The following DTNB variants were observed in gnomAD, a reference collection of about 807,000 sequenced individuals.
The protein encoded by DTNB is DTN-B.
In DTNB, 63 loss-of-function variants were observed where a neutral mutation model predicts 90.7. The ratio of observed to expected loss-of-function variants is 0.69; its 90% CI spans 0.57 to 0.86. The LOEUF (loss-of-function observed/expected upper bound fraction) is 0.86. DTNB is among the 40% of genes least tolerant of loss of function. DTNB has a pLI of 0.00. For missense variants in DTNB, 744 were observed against 807.1 expected (o/e 0.92, Z 0.95); for synonymous variants, 277 against 286.7 (o/e 0.97, Z 0.34).
chr2:25,431,845 A>C (rs1348729221), intron 14 of DTNB, among the ~76,000 whole-genome samples: 2 of 152,210 alleles, frequency 1.3e-5, no homozygotes, highest in East Asian at 3.9e-4. Context: ...ACAGACTTGC[A>C]GCAGTAAACC....
intron 2 of DTNB, among the ~76,000 whole-genome samples, chr2:25,642,650 G>A (rs1219314349): frequency 6.6e-6 from 1 of 151,938 alleles, no homozygotes; most frequent in Non-Finnish European, 1.5e-5. Flanking sequence ...GAGCTCAATG[G>A]ATTTGCCTCC....
chr2:25,526,395 A>ATATATTTTTTTTTT, intron 9 of DTNB, among the ~76,000 whole-genome samples: 1 of 49,828 alleles, frequency 2.0e-5, no homozygotes, highest in African/African-American at 9.8e-5. Flanking sequence ...ATATATATAT[A>ATATATTTTTTTTTT]TTTTTTTTTT....
chr2:25,427,853 A>T, intron 14 of DTNB: 2 of 409,710 alleles, frequency 4.9e-6, no homozygotes, highest in Non-Finnish European at 8.7e-6. Flanking sequence ...AGTTTAGATG[A>T]CTATATAAAG....
In DTNB at chr2:25,628,167, T is replaced by C. The variant is rs776008709; in HGVS notation, c.362+4A>G. The C allele has an allele frequency of 3.7e-6, 6 of 1,613,170 alleles. No individual in the cohort carries two copies. Among genetic ancestry groups the C allele is most frequent in the Non-Finnish European group, 5.1e-6 (6 of 1,179,276 alleles). On this transcript the variant is annotated splice_donor_region_variant and intron_variant, in intron 4 of 20. Coordinates refer to ENST00000406818, the MANE Select transcript of DTNB (RefSeq NM_021907.5). ...GTAAGCGTGTAAGGTAAGGTACTACTAGCCTGTCATATGCAGCAATCATAA... is the reference window on the plus strand; with the variant it reads ...GTAAGCGTGTAAGGTAAGGTACTACCAGCCTGTCATATGCAGCAATCATAA...
chr2:25,546,423 C>A (rs1346857085), intron 8 of DTNB, among the ~76,000 whole-genome samples: 2 of 152,210 alleles, frequency 1.3e-5, no homozygotes, highest in Non-Finnish European at 2.9e-5. Flanking sequence ...AGCCTGGCTG[C>A]TGGATATTTT....
At chr2:25,470,585 C>G (rs2062608652) in intron 10 of DTNB, among the ~76,000 whole-genome samples, 3 of 152,028 alleles carry the variant, frequency 2.0e-5, no homozygotes. Flanking sequence ...CCATTTTGGA[C>G]AGGCCAGTCT....
At chr2:25,625,268 G>A (rs900278722) in intron 4 of DTNB, among the ~76,000 whole-genome samples, 4 of 152,106 alleles carry the variant, frequency 2.6e-5, no homozygotes, top group South Asian at 2.1e-4. Flanking sequence ...GTAATAAAGC[G>A]GCCAATCAAT....
intron 2 of DTNB, among the ~76,000 whole-genome samples, chr2:25,641,761 A>C (rs998744022): frequency 7.2e-5 from 11 of 152,220 alleles, no homozygotes; most frequent in Non-Finnish European, 1.2e-4. Flanking sequence ...AACACCTTTG[A>C]TTTCCAGACA....
intron 10 of DTNB, among the ~76,000 whole-genome samples, chr2:25,474,531 T>G (rs1473212274): frequency 6.6e-6 from 1 of 152,200 alleles, no homozygotes; most frequent in Non-Finnish European, 1.5e-5. Context: ...CCCCAACATC[T>G]CTATTGTCCT....
intron 3 of DTNB, among the ~76,000 whole-genome samples, chr2:25,636,461 G>C (rs1054239839): frequency 2.0e-5 from 3 of 152,076 alleles, no homozygotes; most frequent in Non-Finnish European, 4.4e-5. Context: ...CACTCCACAC[G>C]TAGACTACTG....
intron 9 of DTNB, among the ~76,000 whole-genome samples, chr2:25,520,581 C>T (rs2075972203): frequency 6.6e-6 from 1 of 152,086 alleles, no homozygotes; most frequent in South Asian, 2.1e-4. Flanking sequence ...TATATTATTC[C>T]TGGTCTGGTG....
intron 4 of DTNB, among the ~76,000 whole-genome samples, chr2:25,616,281 T>C (rs982670119): frequency 2.0e-5 from 3 of 152,132 alleles, no homozygotes; most frequent in Admixed American, 6.5e-5. Context: ...CATTACACAA[T>C]GGATCTTCAT....
At chr2:25,411,696 G>C (rs1056553305) in intron 16 of DTNB, among the ~76,000 whole-genome samples, 3 of 152,164 alleles carry the variant, frequency 2.0e-5, no homozygotes, top group African/African-American at 7.2e-5. Flanking sequence ...GATACCACTG[G>C]CCCGGCTTGT....
At chr2:25,582,408 T>C (rs1349644412) in intron 6 of DTNB, among the ~76,000 whole-genome samples, 1 of 152,126 alleles carries the variant, frequency 6.6e-6, no homozygotes, top group Non-Finnish European at 1.5e-5. Context: ...TTGGAGGTCA[T>C]CTTATTGAGA....
chr2:25,541,801 G>T (rs753515111), intron 8 of DTNB, among the ~76,000 whole-genome samples: 8 of 152,172 alleles, frequency 5.3e-5, no homozygotes, highest in Admixed American at 3.9e-4. Context: ...GGATTATATG[G>T]TAGTTTTGCT....
At chr2:25,526,399 T>A (rs1377551541) in intron 9 of DTNB, among the ~76,000 whole-genome samples, 49 of 99,884 alleles carry the variant, frequency 4.9e-4, no homozygotes, top group African/African-American at 1.4e-3. Context: ...ATATATATTT[T>A]TTTTTTTTTA....
intron 10 of DTNB, among the ~76,000 whole-genome samples, chr2:25,469,781 A>G (rs76950794): frequency 0.012 from 1,885 of 152,280 alleles, 30 homozygotes; most frequent in African/African-American, 0.042. Context: ...CTAAGGCACA[A>G]TGAGATGCTC....
chr2:25,632,211 A>AAG (rs1282407688), intron 3 of DTNB, among the ~76,000 whole-genome samples: 3 of 151,536 alleles, frequency 2.0e-5, no homozygotes, highest in Non-Finnish European at 4.4e-5. Context: ...AAAAAAAAAA[A>AAG]AAGAAATTGA....
rs1262675201 is a variant in DTNB, at chr2:25,639,092, C to G, written c.70G>C (p.Ala24Pro). 2 of 1,573,310 alleles carry G rather than the reference C, an allele frequency of 1.3e-6. No individual in the cohort carries two copies. The highest frequency in any genetic ancestry group is 4.5e-5 in the East Asian group (2 of 44,032). ...AGTCGTATGACATCAAAATTCTGAG[C>G]ACCTGAAAAAAGGCAAACAGAAATG... Reference protein sequence around the residue: ...EKRQLFIEMRAQNFDVIRLST... With the variant: ...EKRQLFIEMRPQNFDVIRLST... The change falls in exon 3 of 21, where the codon GCT becomes CCT. Residue 24 changes from alanine to proline, a missense_variant and splice_region_variant. Ala to Pro is a conservative substitution (Grantham distance 27, BLOSUM62 -1). Coordinates refer to ENST00000406818, the MANE Select transcript of DTNB (RefSeq NM_021907.5).
Sources: gnomAD v4.1 joint callset for allele counts (sites outside exome capture counted in the v4.1 genomes callset) on GRCh38, gnomAD v4.1.1 for gene constraint, MANE v1.5 for transcripts, NCBI Gene and HGNC (gene_info 2026-07-23, HGNC 2026-07-21) for gene names.